The following PNLIPRP3 variants were observed in gnomAD, a reference collection of about 807,000 sequenced individuals.
PNLIPRP3 encodes pancreatic lipase-related protein 3.
Under a neutral mutation model 52.8 loss-of-function variants are expected in PNLIPRP3, and 58 were observed. That is an observed-to-expected ratio of 1.10 (90% CI 0.89 to 1.37). The LOEUF is 1.37. Among genes scored for constraint, PNLIPRP3 ranks in the 40% most tolerant of loss-of-function variants. The pLI, the probability that PNLIPRP3 is intolerant of heterozygous loss-of-function variation, is 0.00. For synonymous variants in PNLIPRP3, 192 were observed against 185.0 expected, an observed-to-expected ratio of 1.04 and a Z score of -0.31; for missense variants, 593 against 561.6, an observed-to-expected ratio of 1.06 and a Z score of -0.57.
At chr10:116,462,291 A>C (rs1846203863) in intron 7 of PNLIPRP3, among the ~76,000 whole-genome samples, 1 of 150,274 alleles carries the variant, frequency 6.7e-6, no homozygotes, top group Admixed American at 6.7e-5. Context: ...ATAATTAATG[A>C]AATACATTAC....
intron 4 of PNLIPRP3, among the ~76,000 whole-genome samples, chr10:116,450,706 G>T (rs545832769): frequency 7.9e-5 from 12 of 152,142 alleles, no homozygotes; most frequent in African/African-American, 2.9e-4. Context: ...TAACCTAGAA[G>T]AAATAGATAA....
chr10:116,448,968 A>G (rs1564697592), intron 4 of PNLIPRP3, among the ~76,000 whole-genome samples: 1 of 151,258 alleles, frequency 6.6e-6, no homozygotes, highest in Non-Finnish European at 1.5e-5. Flanking sequence ...GTGAGCCAAG[A>G]TAGTGCCATT....
At chr10:116,454,994 G>A (rs1351289015) in intron 4 of PNLIPRP3, among the ~76,000 whole-genome samples, 1 of 152,092 alleles carries the variant, frequency 6.6e-6, no homozygotes. Context: ...ACCTATTTAC[G>A]TTCCCTCCAC....
chr10:116,436,476 A>G (rs1360490452), intron 1 of PNLIPRP3, among the ~76,000 whole-genome samples: 1 of 152,248 alleles, frequency 6.6e-6, no homozygotes, highest in Non-Finnish European at 1.5e-5. Context: ...ACAGGCAACG[A>G]AATAAAATAA....
At chr10:116,462,514 A>G (rs907930366) in intron 7 of PNLIPRP3, among the ~76,000 whole-genome samples, 1 of 152,000 alleles carries the variant, frequency 6.6e-6, no homozygotes, top group African/African-American at 2.4e-5. Flanking sequence ...AATAAATTAC[A>G]AAGGTTTAAT....
chr10:116,469,821 G>T (rs780002226), intron 9 of PNLIPRP3, among the ~76,000 whole-genome samples: 2 of 152,166 alleles, frequency 1.3e-5, no homozygotes, highest in African/African-American at 4.8e-5. Context: ...GTTGGGCTTT[G>T]TCTGTGGGTG....
At chr10:116,461,379 T>C in intron 7 of PNLIPRP3, 89 bp downstream of exon 7, 2 of 1,425,250 alleles carry the variant, frequency 1.4e-6, no homozygotes, top group Non-Finnish European at 1.9e-6. Context: ...GTGTATAATA[T>C]ACATATAAAA....
chr10:116,463,736 T>A (rs1334516577), intron 7 of PNLIPRP3, among the ~76,000 whole-genome samples: 1 of 152,218 alleles, frequency 6.6e-6, no homozygotes. Flanking sequence ...TTATACTGCA[T>A]ATGCTAAAAC....
At chr10:116,428,553 AT>A (rs376232752) in intron 1 of PNLIPRP3, among the ~76,000 whole-genome samples, 5 of 151,942 alleles carry the variant, frequency 3.3e-5, no homozygotes, top group South Asian at 2.1e-4. Context: ...TGGAATGTCC[AT>A]TTTTTTTCCA....
At chr10:116,473,678 T>C (rs542734852) in intron 10 of PNLIPRP3, among the ~76,000 whole-genome samples, 20 of 152,148 alleles carry the variant, frequency 1.3e-4, no homozygotes, top group Non-Finnish European at 2.6e-4. Flanking sequence ...CCCACCACCA[T>C]GCCTGGCTAA....
chr10:116,438,840 G>A (rs560118759), intron 2 of PNLIPRP3, among the ~76,000 whole-genome samples: 93 of 152,236 alleles, frequency 6.1e-4, no homozygotes, highest in African/African-American at 2.2e-3. Flanking sequence ...CACTTATAAA[G>A]AAACATTCCT....
rs751821086 is a variant in PNLIPRP3 at position 116,443,064 on chromosome 10, G to GC, written c.215dup (p.Val73GlyfsTer2). The GC allele has an allele frequency of 1.3e-6, 2 of 1,592,172 alleles. No individual in the cohort carries two copies. Among genetic ancestry groups the GC allele is most frequent in the East Asian group, 4.5e-5 (2 of 44,290 alleles). ...TTTCTGCTTGAAACAGGAGATCAGT[G>GC]CGGTTAATTCTTCAACTATCCAAGC... is the stretch of plus-strand genomic sequence containing the variant. On this transcript the variant is annotated frameshift_variant, in exon 3 of 12. Transcript: ENST00000369230. LOFTEE classifies it high-confidence loss of function.
chr10:116,449,271 ACT>A (rs1846001604), intron 4 of PNLIPRP3, among the ~76,000 whole-genome samples: 1 of 133,718 alleles, frequency 7.5e-6, no homozygotes, highest in Admixed American at 8.0e-5. Context: ...AATGTATTAA[ACT>A]CTCTAATCAA....
chr10:116,436,840 C>CTA lies in PNLIPRP3; in HGVS notation c.182_183dup (p.His62TyrfsTer33). The CTA allele has an allele frequency of 6.2e-7, 1 of 1,608,970 alleles. No homozygotes were observed. The highest frequency in any genetic ancestry group is 8.5e-7 in the Non-Finnish European group (1 of 1,177,066). ...ATAAACACTCGTTTCCTGCTCTACACTATACACAATCCCAATGCCTATCAG... is the reference window on the plus strand; with the variant it reads ...ATAAACACTCGTTTCCTGCTCTACACTATATACACAATCCCAATGCCTATCAG... On this transcript the variant is annotated frameshift_variant, in exon 2 of 12. Transcript: ENST00000369230. LOFTEE classifies it high-confidence loss of function.
At chr10:116,437,365 G>T (rs565945365) in intron 2 of PNLIPRP3, among the ~76,000 whole-genome samples, 1 of 152,244 alleles carries the variant, frequency 6.6e-6, no homozygotes, top group East Asian at 1.9e-4. Flanking sequence ...ACATTTTGAG[G>T]AGGACATGTA....
chr10:116,466,744 T>G (rs1040846555), intron 8 of PNLIPRP3, among the ~76,000 whole-genome samples: 3 of 152,246 alleles, frequency 2.0e-5, no homozygotes, highest in African/African-American at 7.2e-5. Context: ...GAAAAGATCT[T>G]CATTCTTGTG....
chr10:116,438,038 A>T (rs1845802584), intron 2 of PNLIPRP3, among the ~76,000 whole-genome samples: 1 of 152,214 alleles, frequency 6.6e-6, no homozygotes, highest in South Asian at 2.1e-4. Flanking sequence ...AACTAGTCTG[A>T]GATTTCACAC....
At chr10:116,454,191 T>A (rs1846079834) in intron 4 of PNLIPRP3, among the ~76,000 whole-genome samples, 1 of 152,156 alleles carries the variant, frequency 6.6e-6, no homozygotes, top group South Asian at 2.1e-4. Flanking sequence ...TGATCTCAGC[T>A]CACTGCAACC....
At chr10:116,476,048 A>C (rs539777297) in intron 10 of PNLIPRP3, among the ~76,000 whole-genome samples, 172 of 152,258 alleles carry the variant, frequency 1.1e-3, no homozygotes, top group Non-Finnish European at 9.0e-4. Context: ...TGATGGGGAA[A>C]AAACAAGTCA....
Sources: gnomAD v4.1 joint callset for allele counts (sites outside exome capture counted in the v4.1 genomes callset) on GRCh38, gnomAD v4.1.1 for gene constraint, MANE v1.5 for transcripts, NCBI Gene and HGNC (gene_info 2026-07-23, HGNC 2026-07-21) for gene names.